The following SLC24A4 variants were observed in gnomAD, a reference collection of about 807,000 sequenced individuals.
The protein encoded by SLC24A4 is solute carrier family 24 member 4.
Under a neutral mutation model 79.0 loss-of-function variants are expected in SLC24A4, and 53 were observed. The observed-to-expected ratio is 0.67, with a 90% CI of 0.54 to 0.84. SLC24A4 has a LOEUF of 0.84. SLC24A4 is among the 40% of genes least tolerant of loss of function. The pLI, the probability that SLC24A4 is intolerant of heterozygous loss-of-function variation, is 0.00. For synonymous variants in SLC24A4, 323 were observed against 323.8 expected, an observed-to-expected ratio of 1.00 and a Z score of 0.03; for missense variants, 731 against 822.0, an observed-to-expected ratio of 0.89 and a Z score of 1.35.
intron 2 of SLC24A4, among the ~76,000 whole-genome samples, chr14:92,349,354 T>A (rs1391838128): frequency 6.6e-6 from 1 of 152,192 alleles, no homozygotes; most frequent in Non-Finnish European, 1.5e-5. Context: ...GAGACAGGGT[T>A]TCGCCATGTT....
chr14:92,343,511 A>C (rs117744228), intron 2 of SLC24A4, among the ~76,000 whole-genome samples: 1 of 151,902 alleles, frequency 6.6e-6, no homozygotes. Flanking sequence ...TGGGTTCTCC[A>C]TTTGTTCCTC....
At position 92,442,622 on chromosome 14, in the gene SLC24A4, C is replaced by T. The variant is rs549002653; in HGVS notation, c.479-91C>T. 1.3e-5 allele frequency: 12 copies of T among 900,388 alleles called. No individual in the cohort carries two copies. In the East Asian group the frequency reaches 3.0e-4, roughly 22 times the overall value. The allele number at this position is 900,388 out of a possible 1,614,324, so 55.8% of individuals were successfully genotyped here. A position where few individuals can be genotyped will look rare whatever the true frequency, so the allele number is the denominator to read the frequency against. ...ACGGGTGCTCTGTTTGTTAGTAAAG[C>T]AACCCACTTTCCTGTGAAAGGGGGA... On this transcript the variant is annotated intron_variant, in intron 5 of 16. Transcript: ENST00000532405.
chr14:92,362,208 C>T (rs1386519682), intron 2 of SLC24A4, among the ~76,000 whole-genome samples: 1 of 32,568 alleles, frequency 3.1e-5, no homozygotes, highest in Non-Finnish European at 1.3e-4. Context: ...ACCTCAGGGG[C>T]CTCTCAGGTC....
chr14:92,498,396 A>T lies in SLC24A4; in HGVS notation c.*4768A>T, dbSNP rs1896006109. 1 of 152,154 alleles carries T rather than the reference A, an allele frequency of 6.6e-6. No homozygotes were observed. Among genetic ancestry groups the T allele is most frequent in the African/African-American group, 2.4e-5 (1 of 41,394 alleles). 9.4% of individuals were successfully genotyped at this position (152,154 alleles called of 1,614,324 possible). Reference sequence around the variant, plus strand: ...ACACGGGATTCTGCTGTTCGCTTTGAGCCACAGCCTTTACCAGCCCGGCTT... The same window carrying T: ...ACACGGGATTCTGCTGTTCGCTTTGTGCCACAGCCTTTACCAGCCCGGCTT... On this transcript the variant is annotated 3_prime_UTR_variant, in exon 17 of 17. Transcript: ENST00000532405.
At chr14:92,493,391 C>T (rs1261737472) in intron 16 of SLC24A4, 85 bp from the exon 17 acceptor site, 2 of 1,507,240 alleles carry the variant, frequency 1.3e-6, no homozygotes, top group African/African-American at 1.4e-5. Context: ...TTCTAGGTTT[C>T]CCCACATAGG....
At chr14:92,346,052 G>A (rs77773897) in intron 2 of SLC24A4, among the ~76,000 whole-genome samples, 1 of 152,114 alleles carries the variant, frequency 6.6e-6, no homozygotes, top group African/African-American at 2.4e-5. Context: ...TAAGGGAAAG[G>A]GGATGTGGAA....
intron 2 of SLC24A4, among the ~76,000 whole-genome samples, chr14:92,432,962 A>C (rs142283847): frequency 6.6e-6 from 1 of 152,384 alleles, no homozygotes; most frequent in Admixed American, 6.5e-5. Context: ...AAGTATTCTA[A>C]TAAGATGAGA....
intron 2 of SLC24A4, among the ~76,000 whole-genome samples, chr14:92,359,514 G>A (rs976153916): frequency 3.4e-4 from 51 of 152,096 alleles, no homozygotes; most frequent in Non-Finnish European, 6.8e-4. Flanking sequence ...CAGGAGAATC[G>A]CGTGAACCTG....
chr14:92,376,678 C>A (rs867359203), intron 2 of SLC24A4, among the ~76,000 whole-genome samples: 2 of 152,262 alleles, frequency 1.3e-5, no homozygotes, highest in Non-Finnish European at 2.9e-5. Context: ...ATCCTCCCAG[C>A]TCCAAGGTCA....
At chr14:92,396,487 A>G (rs1456527233) in intron 2 of SLC24A4, among the ~76,000 whole-genome samples, 3 of 152,220 alleles carry the variant, frequency 2.0e-5, no homozygotes, top group Non-Finnish European at 4.4e-5. Flanking sequence ...TTTTAAAAAT[A>G]TATAAAAGGT....
chr14:92,361,315 G>A (rs543301208), intron 2 of SLC24A4, among the ~76,000 whole-genome samples: 2 of 150,928 alleles, frequency 1.3e-5, no homozygotes, highest in South Asian at 4.2e-4. Context: ...CTTGGACTCA[G>A]GTATTCTCCT....
intron 2 of SLC24A4, among the ~76,000 whole-genome samples, chr14:92,363,641 C>T (rs1887657943): frequency 6.6e-6 from 1 of 152,164 alleles, no homozygotes; most frequent in Non-Finnish European, 1.5e-5. Context: ...ACCATCCTGG[C>T]CAACATGGTG....
At chr14:92,325,700 T>C (rs1885087754) in intron 1 of SLC24A4, among the ~76,000 whole-genome samples, 168 bp from the exon 2 acceptor site, 2 of 152,174 alleles carry the variant, frequency 1.3e-5, no homozygotes, top group Admixed American at 1.3e-4. Flanking sequence ...CAGGCCATTG[T>C]ATGTAAGCAG....
intron 12 of SLC24A4, among the ~76,000 whole-genome samples, chr14:92,471,759 A>G (rs1298851595): frequency 1.3e-5 from 2 of 152,178 alleles, no homozygotes; most frequent in South Asian, 2.1e-4. Context: ...TCTAAACTAC[A>G]TGAATTTAAT....
rs188566692 is a variant in SLC24A4 at position 92,420,825 on chromosome 14, G to T, written c.242-13087G>T. Among the ~76,000 whole-genome samples, 24 of 152,236 alleles carry T rather than the reference G, an allele frequency of 1.6e-4. No homozygotes were observed. In the East Asian group the frequency reaches 3.9e-3, roughly 24 times the overall value. ...GGGCATGGGCATTTTTTCACGGGGG[G>T]GGCCTGTCCCTGAGTAAATTGGTTT... On this transcript the variant is annotated intron_variant, in intron 2 of 16. Transcript: ENST00000532405.
intron 2 of SLC24A4, among the ~76,000 whole-genome samples, chr14:92,358,445 GC>G (rs1415876466): frequency 6.6e-6 from 1 of 152,122 alleles, no homozygotes; most frequent in Non-Finnish European, 1.5e-5. Flanking sequence ...GTGCTGGGGT[GC>G]TGGCAGGGCT....
At chr14:92,444,213 A>C (rs1181842675) in intron 7 of SLC24A4, among the ~76,000 whole-genome samples, 1 of 152,172 alleles carries the variant, frequency 6.6e-6, no homozygotes, top group Non-Finnish European at 1.5e-5. Flanking sequence ...TGCCCTAACT[A>C]TAATACAAAG....
chr14:92,417,144 A>G (rs1002817507), intron 2 of SLC24A4, among the ~76,000 whole-genome samples: 3 of 152,204 alleles, frequency 2.0e-5, no homozygotes, highest in African/African-American at 4.8e-5. Flanking sequence ...AGGACCATGT[A>G]CAGTCATGCA....
intron 2 of SLC24A4, among the ~76,000 whole-genome samples, chr14:92,374,342 C>G (rs1251286691): frequency 2.0e-5 from 3 of 152,222 alleles, no homozygotes; most frequent in African/African-American, 4.8e-5. Flanking sequence ...TCCCTAGGTC[C>G]TCCAGGCAGT....
Sources: allele counts gnomAD v4.1 joint callset (sites outside exome capture counted in the v4.1 genomes callset), GRCh38; gene constraint gnomAD v4.1.1; transcripts MANE v1.5; gene names NCBI Gene and HGNC (gene_info 2026-07-23, HGNC 2026-07-21).